TLCD4: variants seen among roughly 807,000 people sequenced by gnomAD.
TLCD4 encodes TLC domain containing 4, also known as TLC domain-containing protein 4.
TLCD4 carries 7 observed loss-of-function variants against 24.2 expected under a neutral mutation model. That is an observed-to-expected ratio of 0.29 (90% CI 0.16 to 0.54). The LOEUF is 0.54. Among genes scored for constraint, TLCD4 ranks in the 20% least tolerant of loss-of-function variants. The probability of loss-of-function intolerance (pLI) is 0.95; values close to 1 mark genes in which losing one functional copy is unlikely to be tolerated. For synonymous variants in TLCD4, 103 were observed against 106.4 expected (o/e 0.97, Z 0.20); for missense variants, 259 against 313.9 (o/e 0.82, Z 1.32).
chr1:95,170,804 C>CA (rs1678185613), intron 5 of TLCD4, among the ~76,000 whole-genome samples: 1 of 151,810 alleles, frequency 6.6e-6, no homozygotes, highest in Admixed American at 6.6e-5. Flanking sequence ...ATAGAGATAG[C>CA]AAAAAAACAG....
chr1:95,107,932 T>C, the TLCD4 span, among the ~76,000 whole-genome samples: 1 of 152,210 alleles, frequency 6.6e-6, no homozygotes, highest in Non-Finnish European at 1.5e-5. Flanking sequence ...TCGTGAGAGA[T>C]GAATGCTCCT....
At chr1:95,154,654 T>G (rs1045864352) in intron 5 of TLCD4, among the ~76,000 whole-genome samples, 1 of 152,064 alleles carries the variant, frequency 6.6e-6, no homozygotes. Context: ...TTCACATGAG[T>G]CTGATTTGGC....
chr1:95,104,351 G>A, the TLCD4 span, among the ~76,000 whole-genome samples: 1 of 152,068 alleles, frequency 6.6e-6, no homozygotes, highest in African/African-American at 2.4e-5. Context: ...ATCATAAATG[G>A]AAAATACACT....
At chr1:95,181,580 A>T (rs12062231) in intron 6 of TLCD4, among the ~76,000 whole-genome samples, 2,682 of 146,076 alleles carry the variant, frequency 0.018, 54 homozygotes, top group Admixed American at 0.029. Context: ...AATTTGTTTA[A>T]TTATTTATTT....
intron 5 of TLCD4, among the ~76,000 whole-genome samples, chr1:95,160,706 G>T (rs138022929): frequency 2.0e-5 from 3 of 152,128 alleles, no homozygotes; most frequent in Admixed American, 6.5e-5. Context: ...AGAGTTTTTC[G>T]CATGAAGGCT....
chr1:95,188,281 G>T (rs7546993), intron 6 of TLCD4, among the ~76,000 whole-genome samples: 149,218 of 151,826 alleles, frequency 0.98, 73,376 homozygotes, highest in East Asian at 1. Context: ...CCAGCTACTC[G>T]GGAGGCTGAG....
intron 5 of TLCD4, among the ~76,000 whole-genome samples, chr1:95,155,985 A>C (rs987262020): frequency 6.6e-6 from 1 of 152,018 alleles, no homozygotes; most frequent in African/African-American, 2.4e-5. Flanking sequence ...TGGAAAGATC[A>C]TTGTGTTAAT....
chr1:95,190,829 G>A (rs1288541676), intron 6 of TLCD4, among the ~76,000 whole-genome samples: 2 of 152,128 alleles, frequency 1.3e-5, no homozygotes, highest in East Asian at 1.9e-4. Context: ...TAATTGGGTT[G>A]TTTTCTTATT....
intron 5 of TLCD4, 29 bp downstream of exon 5, chr1:95,151,448 C>T (rs933941646): frequency 3.1e-6 from 5 of 1,602,612 alleles, no homozygotes; most frequent in Non-Finnish European, 4.3e-6. Flanking sequence ...TGTAGCCTAA[C>T]TAGCAGACAA....
intron 1 of TLCD4, among the ~76,000 whole-genome samples, chr1:95,136,076 C>T (rs1048051064): frequency 2.0e-5 from 3 of 151,658 alleles, no homozygotes; most frequent in African/African-American, 7.3e-5. Flanking sequence ...AATCTTGTTC[C>T]CAAGCTAACA....
chr1:95,106,360 T>C, the TLCD4 span, among the ~76,000 whole-genome samples: 2 of 152,166 alleles, frequency 1.3e-5, no homozygotes, highest in East Asian at 1.9e-4. Context: ...TGAAAATAAA[T>C]CCCCTTAAAA....
rs560278856 is a variant in TLCD4, at chr1:95,153,884, T to C, written c.399+2465T>C. 2.6e-5 allele frequency among the ~76,000 whole-genome samples: 4 copies of C among 152,236 alleles called. 1 individual carries two copies. In the East Asian group the frequency reaches 7.7e-4, roughly 29 times the overall value. On this transcript the variant is annotated intron_variant, in intron 5 of 6. Transcript: ENST00000370203. ...CTAAGTGGAAGGGGGAGTAGACTTA[T>C]TCTGGATTGATTCTGATGTTGGGAC...
intron 5 of TLCD4, among the ~76,000 whole-genome samples, chr1:95,157,286 A>C (rs888436732): frequency 4.6e-5 from 7 of 152,210 alleles, no homozygotes; most frequent in African/African-American, 1.7e-4. Flanking sequence ...CATATGTCAA[A>C]AACAGCATTT....
intron 6 of TLCD4, among the ~76,000 whole-genome samples, chr1:95,181,220 G>A (rs964698054): frequency 2.0e-5 from 3 of 151,834 alleles, no homozygotes; most frequent in Non-Finnish European, 2.9e-5. Flanking sequence ...AAAACAGTAG[G>A]AACAGTGTCA....
chr1:95,141,930 A>ATGAAG (rs2100933388), intron 1 of TLCD4, among the ~76,000 whole-genome samples: 1 of 152,154 alleles, frequency 6.6e-6, no homozygotes, highest in Admixed American at 6.6e-5. Flanking sequence ...TTGGAAGGGA[A>ATGAAG]TGAAGTGGGG....
Position 95,143,838 on chromosome 1 carries a change from T to C in TLCD4, c.-11-53T>C, listed in dbSNP as rs574888028. On this transcript the variant is annotated intron_variant, in intron 1 of 6. Transcript: ENST00000370203. The stretch of plus-strand genomic sequence containing the variant: ...GACATATTTCTTAAAATAAAAAAAT[T>C]ACTCTAGGTTTATTATGAGACAACA... 3.1e-6 allele frequency: 4 copies of C among 1,310,412 alleles called. No homozygotes were observed. In the East Asian group the frequency reaches 1.1e-4, roughly 37 times the overall value. 81.2% of individuals were successfully genotyped at this position (1,310,412 alleles called of 1,614,324 possible). A position where few individuals can be genotyped will look rare whatever the true frequency, so the allele number is the denominator to read the frequency against.
At chr1:95,094,763 A>G in the TLCD4 span, among the ~76,000 whole-genome samples, 1 of 152,226 alleles carries the variant, frequency 6.6e-6, no homozygotes, top group Non-Finnish European at 1.5e-5. Flanking sequence ...TTGTTAACCC[A>G]TAAATGATTG....
chr1:95,171,424 C>T (rs1196372535), intron 5 of TLCD4, among the ~76,000 whole-genome samples: 1 of 152,158 alleles, frequency 6.6e-6, no homozygotes, highest in Non-Finnish European at 1.5e-5. Flanking sequence ...ACTGATGCAA[C>T]TTAAGTGTGT....
intron 1 of TLCD4, among the ~76,000 whole-genome samples, chr1:95,143,118 AGCAACCAATCAGAGGT>A (rs1300582200): frequency 6.6e-6 from 1 of 152,162 alleles, no homozygotes; most frequent in East Asian, 1.9e-4. Flanking sequence ...GGTTGCGGAA[AGCAACCAATCAGAGGT>A]ACTTTCAGTT....
Sources: gnomAD v4.1 joint callset for allele counts (sites outside exome capture counted in the v4.1 genomes callset) on GRCh38, gnomAD v4.1.1 for gene constraint, MANE v1.5 for transcripts, NCBI Gene and HGNC (gene_info 2026-07-23, HGNC 2026-07-21) for gene names.